Variants in AOAH observed in about 807,000 individuals in gnomAD.
AOAH encodes the protein acyloxyacyl hydrolase (neutrophil).
Under a neutral mutation model 92.2 loss-of-function variants are expected in AOAH, and 64 were observed. That is an observed-to-expected ratio of 0.69 (90% CI 0.57 to 0.86). AOAH has a LOEUF of 0.86. Ranked by LOEUF, AOAH falls within the 40% of genes least tolerant of loss-of-function variation. The probability of loss-of-function intolerance (pLI) is 0.00; values close to 1 mark genes in which losing one functional copy is unlikely to be tolerated. For missense variants in AOAH, 656 were observed against 694.6 expected (o/e 0.94, Z 0.62); for synonymous variants, 263 against 254.5 (o/e 1.03, Z -0.32).
chr7:36,560,537 T>C lies in AOAH; in HGVS notation c.1022-11062A>G, dbSNP rs142171629. 2.7e-3 allele frequency among the ~76,000 whole-genome samples: 418 copies of C among 152,334 alleles called. 1 individual carries two copies. The highest frequency in any genetic ancestry group is 8.4e-3 in the African/African-American group (348 of 41,586). On this transcript the variant is annotated intron_variant, in intron 13 of 20. Transcript: ENST00000617537. ...TTCCTGATTTGGCTCTCAGCTTGAA[T>C]GTTATAGATATATAGACATTTTACT...
At chr7:36,533,500 TCA>T in intron 16 of AOAH, among the ~76,000 whole-genome samples, 1 of 152,214 alleles carries the variant, frequency 6.6e-6, no homozygotes, top group South Asian at 2.1e-4. Flanking sequence ...GCCACTAAAG[TCA>T]CAGTGACCCG....
At chr7:36,669,177 T>C (rs923490136) in intron 3 of AOAH, among the ~76,000 whole-genome samples, 1 of 152,186 alleles carries the variant, frequency 6.6e-6, no homozygotes, top group African/African-American at 2.4e-5. Flanking sequence ...TATTTAGACC[T>C]GTGACATTAC....
chr7:36,607,141 T>TGACA lies in AOAH; in HGVS notation c.846+9235_846+9238dup, dbSNP rs1299309080. ...GAGGGGCTGCTGCAGGGAGAATGCC[T>TGACA]GACAGTGGATTCCTTTTCAGCGAAT... On this transcript the variant is annotated intron_variant, in intron 11 of 20. Coordinates refer to ENST00000617537, the MANE Select transcript of AOAH (RefSeq NM_001637.4). 1.1e-4 allele frequency among the ~76,000 whole-genome samples: 17 copies of TGACA among 152,316 alleles called. No individual in the cohort carries two copies. In the East Asian group the frequency reaches 2.5e-3, roughly 22 times the overall value.
chr7:36,564,525 C>T (rs1044754896), intron 13 of AOAH, among the ~76,000 whole-genome samples: 2 of 152,200 alleles, frequency 1.3e-5, no homozygotes, highest in Admixed American at 6.5e-5. Context: ...AAAGCCTCAT[C>T]CCAGGATGCT....
At chr7:36,695,779 T>A (rs745790370) in intron 1 of AOAH, among the ~76,000 whole-genome samples, 1 of 152,244 alleles carries the variant, frequency 6.6e-6, no homozygotes, top group African/African-American at 2.4e-5. Flanking sequence ...TTTGTAATGA[T>A]GCTTTCCGGA....
intron 20 of AOAH, among the ~76,000 whole-genome samples, chr7:36,517,228 C>CTTTCTTTCTTTT (rs200489121): frequency 5.5e-5 from 3 of 54,778 alleles, no homozygotes; most frequent in Non-Finnish European, 8.0e-5. Flanking sequence ...TTCTTTCTGT[C>CTTTCTTTCTTTT]TCTCTCTCTC....
intron 11 of AOAH, among the ~76,000 whole-genome samples, chr7:36,597,292 C>T (rs1168273224): frequency 2.0e-5 from 3 of 152,142 alleles, no homozygotes; most frequent in African/African-American, 7.2e-5. Context: ...ACTTTCTGCT[C>T]GAGACTCCAC....
At chr7:36,563,924 T>C (rs1024770537) in intron 13 of AOAH, among the ~76,000 whole-genome samples, 6 of 152,236 alleles carry the variant, frequency 3.9e-5, no homozygotes, top group Non-Finnish European at 7.3e-5. Flanking sequence ...GTTGTGGCAG[T>C]TTCTACTACT....
chr7:36,650,786 C>A (rs1183389138), intron 4 of AOAH, among the ~76,000 whole-genome samples: 1 of 152,146 alleles, frequency 6.6e-6, no homozygotes, highest in African/African-American at 2.4e-5. Context: ...TTACAGAGCA[C>A]CTACTATGTG....
intron 19 of AOAH, 27 bp from the exon 20 acceptor site, chr7:36,522,142 C>G: frequency 6.2e-7 from 1 of 1,608,510 alleles, no homozygotes; most frequent in Non-Finnish European, 8.5e-7. Context: ...GAGAGGGTTA[C>G]AGACACACTT....
chr7:36,684,563 T>C (rs538230073), intron 2 of AOAH, among the ~76,000 whole-genome samples: 2 of 152,008 alleles, frequency 1.3e-5, no homozygotes, highest in East Asian at 3.9e-4. Flanking sequence ...ATATCACAGT[T>C]TTAAAACCCA....
intron 13 of AOAH, among the ~76,000 whole-genome samples, chr7:36,566,524 A>T (rs562076958): frequency 6.6e-6 from 1 of 152,108 alleles, no homozygotes; most frequent in South Asian, 2.1e-4. Context: ...CTAGTCAGAC[A>T]TGAGTGGGGC....
chr7:36,714,358 C>T (rs1243945948), intron 1 of AOAH, among the ~76,000 whole-genome samples: 2 of 152,094 alleles, frequency 1.3e-5, no homozygotes, highest in African/African-American at 4.8e-5. Context: ...CAAAAAAAGT[C>T]CAGGACCAGA....
intron 1 of AOAH, among the ~76,000 whole-genome samples, chr7:36,703,025 T>A (rs1383858986): frequency 1.3e-5 from 2 of 152,154 alleles, no homozygotes; most frequent in Non-Finnish European, 2.9e-5. Flanking sequence ...TCAGAGTAGA[T>A]TTCACTTCAA....
At chr7:36,564,336 C>T (rs145202168) in intron 13 of AOAH, among the ~76,000 whole-genome samples, 25 of 152,332 alleles carry the variant, frequency 1.6e-4, no homozygotes, top group African/African-American at 5.3e-4. Flanking sequence ...ACAATGATTC[C>T]CTTTTTGTCT....
At chr7:36,525,614 A>G (rs964279929) in intron 19 of AOAH, among the ~76,000 whole-genome samples, 2 of 152,232 alleles carry the variant, frequency 1.3e-5, no homozygotes, top group Non-Finnish European at 2.9e-5. Context: ...CAAAAAGCCA[A>G]AATCCAAAAT....
intron 11 of AOAH, among the ~76,000 whole-genome samples, chr7:36,595,842 C>T (rs1300257701): frequency 1.3e-5 from 2 of 152,172 alleles, no homozygotes; most frequent in African/African-American, 4.8e-5. Context: ...ATCCGTGCTC[C>T]CTTCGGGTAA....
At chr7:36,556,017 T>G (rs1198457051) in intron 13 of AOAH, among the ~76,000 whole-genome samples, 2 of 151,946 alleles carry the variant, frequency 1.3e-5, no homozygotes, top group African/African-American at 2.4e-5. Context: ...ATTTCTTGCC[T>G]TCTGCTAGCT....
intron 13 of AOAH, among the ~76,000 whole-genome samples, chr7:36,571,353 C>G (rs940124711): frequency 1.1e-4 from 16 of 152,280 alleles, no homozygotes; most frequent in Admixed American, 9.8e-4. Flanking sequence ...ATCTGCTTCT[C>G]CTCTACCTTA....
Sources: gnomAD v4.1 joint callset for allele counts (sites outside exome capture counted in the v4.1 genomes callset) on GRCh38, gnomAD v4.1.1 for gene constraint, MANE v1.5 for transcripts, NCBI Gene and HGNC (gene_info 2026-07-23, HGNC 2026-07-21) for gene names.